ZNF17: variants seen among roughly 807,000 people sequenced by gnomAD.
ZNF17 encodes zinc finger protein 17.
Under a neutral mutation model 7.7 loss-of-function variants are expected in ZNF17, and 4 were observed. The observed-to-expected ratio is 0.52, with a 90% CI of 0.26 to 1.20. ZNF17 has a LOEUF of 1.20. Ranked by LOEUF, ZNF17 falls within the 50% of genes most tolerant of loss-of-function variation. The pLI, the probability that ZNF17 is intolerant of heterozygous loss-of-function variation, is 0.14. For missense variants in ZNF17, 738 were observed against 799.5 expected (o/e 0.92, Z 0.93); for synonymous variants, 249 against 258.8 (o/e 0.96, Z 0.36).
chr19:57,420,187 A>G lies in ZNF17; in HGVS notation c.701A>G (p.Asp234Gly), dbSNP rs773474502. The G allele has an allele frequency of 6.2e-7, 1 of 1,613,206 alleles. No homozygotes were observed. The highest frequency in any genetic ancestry group is 2.2e-5 in the East Asian group (1 of 44,882). Reference protein sequence around the residue: ...ECGKLFRYNSDLIKHQRNHTG... With the variant: ...ECGKLFRYNSGLIKHQRNHTG... ...GGCAAATTGTTTAGGTACAACTCCG[A>G]CCTTATTAAACATCAGCGAAATCAT... The change falls in exon 4 of 4, where the codon GAC becomes GGC. Residue 234 changes from aspartate (D) to glycine (G), a missense_variant. Asp to Gly is a moderately conservative substitution (Grantham distance 94, BLOSUM62 -1). Around this residue, in one of 3 missense-constraint regions of ZNF17, gnomAD observed 616 missense variants for 663.9 expected, o/e 0.93. Transcript: ENST00000307658.
At chr19:57,415,617 CACCTGGAT>C in intron 2 of ZNF17, among the ~76,000 whole-genome samples, 1 of 152,134 alleles carries the variant, frequency 6.6e-6, no homozygotes, top group Admixed American at 6.5e-5. Flanking sequence ...TTCTGTTGGG[CACCTGGAT>C]GGGGTTGCTG....
At position 57,416,111 on chromosome 19, in the gene ZNF17, G is replaced by C. The variant is rs141093279; in HGVS notation, c.22-1801G>C. On this transcript the variant is annotated intron_variant, in intron 2 of 3. Transcript: ENST00000307658. ...AGAATATGTGGGTTTGGAAAGCTGAGGTCAAAGAAAGAAACAGGATTGGGT... is the reference window on the plus strand; with the variant it reads ...AGAATATGTGGGTTTGGAAAGCTGACGTCAAAGAAAGAAACAGGATTGGGT... Among the ~76,000 whole-genome samples, 466 of 152,202 alleles carry C rather than the reference G, an allele frequency of 3.1e-3. 1 individual carries two copies. The highest frequency in any genetic ancestry group is 0.01 in the African/African-American group (434 of 41,506).
rs2088837776 is a variant in ZNF17 at position 57,420,030 on chromosome 19, G to A, written c.544G>A (p.Val182Met). The A allele has an allele frequency of 6.2e-7, 1 of 1,614,220 alleles. No homozygotes were observed. The highest frequency in any genetic ancestry group is 2.2e-5 in the East Asian group (1 of 44,888). The change falls in exon 4 of 4, where the codon GTG (valine) becomes ATG (methionine). Residue 182 changes from valine to methionine, a missense_variant. Transcript: ENST00000307658. Reference sequence around the variant, plus strand: ...GAAGCCACACAGGGACACTCATGGTGTGGAGGCCTTTCAAAGTGGACAGAA... The same window carrying A: ...GAAGCCACACAGGGACACTCATGGTATGGAGGCCTTTCAAAGTGGACAGAA... ...GWKPHRDTHG[V>M]EAFQSGQNNY...
At chr19:57,417,098 A>G (rs192117800) in intron 2 of ZNF17, among the ~76,000 whole-genome samples, 8 of 152,266 alleles carry the variant, frequency 5.3e-5, no homozygotes, top group Admixed American at 2.0e-4. Context: ...ACATTGAAAT[A>G]ATTTTTTTTT....
Position 57,420,511 on chromosome 19 carries a change from T to G in ZNF17, c.1025T>G (p.Met342Arg). The G allele has an allele frequency of 6.2e-7, 1 of 1,613,736 alleles. No homozygotes were observed. Among genetic ancestry groups the G allele is most frequent in the Non-Finnish European group, 8.5e-7 (1 of 1,179,938 alleles). ...TGCAATGAATGTGGGAAATACTTTA[T>G]GTACAGTTCAGCACTCATTAGACAT... ...YGCNECGKYF[M>R]YSSALIRHQK... The change falls in exon 4 of 4, where the codon ATG (methionine) becomes AGG (arginine). Residue 342 changes from methionine to arginine, a missense_variant. Met to Arg is a moderately conservative substitution (Grantham distance 91). Transcript: ENST00000307658.
Position 57,411,592 on chromosome 19 carries a change from G to A in ZNF17, c.-21+186G>A, listed in dbSNP as rs996012680. On this transcript the variant is annotated intron_variant, in intron 1 of 3. Transcript: ENST00000307658. ...GGGACCTGCACGTGCGAGGCTTAGA[G>A]GTGCTGCAGAGCGGGCGGCACTGGG... The A allele has an allele frequency of 5.0e-6, 7 of 1,412,768 alleles. No homozygotes were observed. In the Admixed American group the frequency reaches 8.6e-5, roughly 17 times the overall value. The allele number at this position is 1,412,768 out of a possible 1,614,324, so 87.5% of individuals were successfully genotyped here. A position where few individuals can be genotyped will look rare whatever the true frequency, so the allele number is the denominator to read the frequency against.
chr19:57,416,938 C>T (rs2088814798), intron 2 of ZNF17, among the ~76,000 whole-genome samples: 1 of 152,066 alleles, frequency 6.6e-6, no homozygotes. Flanking sequence ...GTCTCTTCCT[C>T]CTTCAGAAGT....
chr19:57,418,571 A>G (rs1331416992), intron 3 of ZNF17, among the ~76,000 whole-genome samples: 2 of 152,086 alleles, frequency 1.3e-5, no homozygotes, highest in Admixed American at 1.3e-4. Context: ...GGCTAACGCC[A>G]CACCTAGATA....
Position 57,421,036 on chromosome 19 carries a change from C to T in ZNF17, c.1550C>T (p.Thr517Ile), listed in dbSNP as rs754454216. The change falls in exon 4 of 4, where the codon ACA (threonine) becomes ATA (isoleucine). Residue 517 changes from threonine to isoleucine, a missense_variant. Physicochemically the swap from Thr to Ile is moderately conservative, Grantham distance 89. This residue lies in a region of ZNF17 where 616 missense variants were observed against 663.9 expected (regional missense o/e 0.93). Coordinates refer to ENST00000307658, the MANE Select transcript of ZNF17 (RefSeq NM_001330617.2). Reference protein sequence around the residue: ...KSFRCRSTLDTHQRIHTGERP... With the variant: ...KSFRCRSTLDIHQRIHTGERP... ...TTTAGATGTCGCTCCACACTTGATA[C>T]ACATCAGAGAATTCACACTGGTGAA... 1.9e-6 allele frequency: 3 copies of T among 1,612,540 alleles called. No individual in the cohort carries two copies. The highest frequency in any genetic ancestry group is 4.5e-5 in the East Asian group (2 of 44,688).
chr19:57,413,115 G>A (rs1193770709), intron 1 of ZNF17, among the ~76,000 whole-genome samples: 1 of 151,898 alleles, frequency 6.6e-6, no homozygotes. Flanking sequence ...TGCACCTCGT[G>A]ATCCGCCCAC....
intron 2 of ZNF17, among the ~76,000 whole-genome samples, chr19:57,417,351 T>C (rs1380279418): frequency 6.6e-6 from 1 of 152,044 alleles, no homozygotes; most frequent in Non-Finnish European, 1.5e-5. Context: ...AGCCTTGGGG[T>C]ATAGGGACTA....
intron 1 of ZNF17, chr19:57,413,386 A>AT: frequency 1.8e-6 from 1 of 552,986 alleles, no homozygotes; most frequent in South Asian, 2.5e-5. Context: ...TATAAGCCCT[A>AT]TTAGTTGGCA....
intron 2 of ZNF17, among the ~76,000 whole-genome samples, chr19:57,417,692 C>T (rs943779491): frequency 1.3e-5 from 2 of 151,672 alleles, no homozygotes; most frequent in Non-Finnish European, 2.9e-5. Flanking sequence ...ACTAAAAATA[C>T]AAAAATTAGC....
In ZNF17 at chr19:57,411,255, A is replaced by G. The variant is rs1232018183; in HGVS notation, c.-172A>G. The G allele has an allele frequency of 3.9e-6, 5 of 1,272,946 alleles. No individual in the cohort carries two copies. The East Asian group carries it at 1.0e-4, about 26-fold the overall frequency. 78.9% of individuals were successfully genotyped at this position (1,272,946 alleles called of 1,614,324 possible). A position where few individuals can be genotyped will look rare whatever the true frequency, so the allele number is the denominator to read the frequency against. ...AGGTGAAAAAGCGGAAAAACGCGAG[A>G]AAAGGTTTCCCCGTTGTACAGAGGC... On this transcript the variant is annotated 5_prime_UTR_variant, in exon 1 of 4. Coordinates refer to ENST00000307658, the MANE Select transcript of ZNF17 (RefSeq NM_001330617.2).
chr19:57,413,354 T>C, intron 1 of ZNF17: 1 of 516,406 alleles, frequency 1.9e-6, no homozygotes, highest in Non-Finnish European at 3.5e-6. Context: ...ACATAGTGTG[T>C]ACTACTTATA....
In ZNF17 at chr19:57,420,686, T is replaced by A; in HGVS notation, c.1200T>A (p.Arg400=). The part of the protein sequence containing the change: ...CNECGKFFRY[R]STLIRHQKVH... ...AATGTGGGAAATTCTTTAGATACCG[T>A]TCCACACTCATTAGACATCAGAAAG... Residue 400 remains arginine, a synonymous_variant, in exon 4 of 4, where the codon CGT becomes CGA. Coordinates refer to ENST00000307658, the MANE Select transcript of ZNF17 (RefSeq NM_001330617.2). 6.2e-7 allele frequency: 1 copy of A among 1,613,112 alleles called. No individual in the cohort carries two copies. The highest frequency in any genetic ancestry group is 8.5e-7 in the Non-Finnish European group (1 of 1,179,726).
intron 2 of ZNF17, among the ~76,000 whole-genome samples, chr19:57,416,657 C>T (rs1021987218): frequency 2.6e-5 from 4 of 152,032 alleles, no homozygotes; most frequent in Non-Finnish European, 5.9e-5. Flanking sequence ...TTACAGGTGC[C>T]TGCCACCATG....
At chr19:57,412,559 C>T (rs2088784947) in intron 1 of ZNF17, among the ~76,000 whole-genome samples, 1 of 151,820 alleles carries the variant, frequency 6.6e-6, no homozygotes, top group South Asian at 2.1e-4. Flanking sequence ...ATTCTCCTGC[C>T]TCAGCCTCCC....
Position 57,420,580 on chromosome 19 carries a change from G to T in ZNF17, c.1094G>T (p.Cys365Phe). The change falls in exon 4 of 4, where the codon TGT becomes TTT. Residue 365 changes from cysteine to phenylalanine, a missense_variant. Physicochemically the swap from Cys to Phe is radical, Grantham distance 205. Around this residue, in one of 3 missense-constraint regions of ZNF17, gnomAD observed 616 missense variants for 663.9 expected, o/e 0.93. Coordinates refer to ENST00000307658, the MANE Select transcript of ZNF17 (RefSeq NM_001330617.2). ...TGERPFYCCE[C>F]GKFFMDSCTL... Reference sequence around the variant, plus strand: ...GAAAGGCCTTTTTATTGCTGTGAATGTGGGAAATTCTTTATGGACAGCTGC... The same window carrying T: ...GAAAGGCCTTTTTATTGCTGTGAATTTGGGAAATTCTTTATGGACAGCTGC... 3 of 1,614,204 alleles carry T rather than the reference G, an allele frequency of 1.9e-6. No individual in the cohort carries two copies. The highest frequency in any genetic ancestry group is 1.1e-5 in the South Asian group (1 of 91,090).
Sources: gnomAD v4.1 joint callset for allele counts (sites outside exome capture counted in the v4.1 genomes callset) on GRCh38, gnomAD v4.1.1 for gene constraint, gnomAD v4.1.1 regional missense constraint, MANE v1.5 for transcripts, NCBI Gene and HGNC (gene_info 2026-07-23, HGNC 2026-07-21) for gene names.